RGS8: variants seen among roughly 807,000 people sequenced by gnomAD.
The protein encoded by RGS8 is regulator of G-protein signaling 8.
RGS8 carries 8 observed loss-of-function variants against 21.7 expected under a neutral mutation model. The observed-to-expected ratio is 0.37, with a 90% CI of 0.22 to 0.66. RGS8 has a LOEUF of 0.66. Among genes scored for constraint, RGS8 ranks in the 30% least tolerant of loss-of-function variants. The probability of loss-of-function intolerance (pLI) is 0.59; values close to 1 mark genes in which losing one functional copy is unlikely to be tolerated. For missense variants in RGS8, 157 were observed against 217.9 expected, an observed-to-expected ratio of 0.72 and a Z score of 1.76; for synonymous variants, 80 against 83.6, an observed-to-expected ratio of 0.96 and a Z score of 0.24.
upstream of RGS8, among the ~76,000 whole-genome samples, chr1:182,675,588 T>G (rs537983663): frequency 2.6e-5 from 4 of 152,202 alleles, no homozygotes; most frequent in African/African-American, 4.8e-5. Context: ...TATCCAGGTT[T>G]TCTATCCCAC....
chr1:182,732,301 A>ACACACACACACACACACACC, the RGS8 span, among the ~76,000 whole-genome samples: 13 of 150,536 alleles, frequency 8.6e-5, no homozygotes, highest in South Asian at 2.1e-4. Context: ...ACACACACAC[A>ACACACACACACACACACACC]CCCACTGTAG....
chr1:182,662,182 C>A (rs920989267), intron 5 of RGS8, among the ~76,000 whole-genome samples: 3 of 152,122 alleles, frequency 2.0e-5, no homozygotes, highest in African/African-American at 7.2e-5. Flanking sequence ...CTTTCTTTTG[C>A]CTGAGATTTC....
chr1:182,748,771 G>C, the RGS8 span, among the ~76,000 whole-genome samples: 3 of 152,032 alleles, frequency 2.0e-5, no homozygotes, highest in Non-Finnish European at 4.4e-5. Context: ...CACTTGTTCT[G>C]TTTTGTCTTT....
chr1:182,709,006 C>A, the RGS8 span, among the ~76,000 whole-genome samples: 2 of 152,300 alleles, frequency 1.3e-5, no homozygotes, highest in African/African-American at 2.4e-5. Context: ...GACGAAAGCG[C>A]CTTTTCCCAT....
intron 5 of RGS8, among the ~76,000 whole-genome samples, chr1:182,654,675 G>A (rs184856578): frequency 3.2e-4 from 49 of 152,178 alleles, no homozygotes; most frequent in Admixed American, 6.5e-4. Context: ...GAAGGGTTTG[G>A]AACAGCGACC....
the RGS8 span, among the ~76,000 whole-genome samples, chr1:182,748,879 C>T: frequency 6.6e-6 from 1 of 152,210 alleles, no homozygotes; most frequent in Non-Finnish European, 1.5e-5. Flanking sequence ...TTTTCATATA[C>T]CTGCTGGCCA....
intron 6 of RGS8, 54 bp downstream of exon 7, chr1:182,648,083 G>T: frequency 6.6e-7 from 1 of 1,508,122 alleles, no homozygotes; most frequent in Non-Finnish European, 8.9e-7. Flanking sequence ...TCTGAGGAGA[G>T]AAATGCAAGC....
chr1:182,720,905 A>ATGTG, the RGS8 span, among the ~76,000 whole-genome samples: 70 of 101,668 alleles, frequency 6.9e-4, 2 homozygotes, highest in South Asian at 9.0e-3. Context: ...ATATATACAT[A>ATGTG]TGTGTGTGTA....
chr1:182,655,208 T>C (rs1663213550), intron 5 of RGS8, among the ~76,000 whole-genome samples: 1 of 152,216 alleles, frequency 6.6e-6, no homozygotes, highest in African/African-American at 2.4e-5. Context: ...CTCACGCATG[T>C]AGAAGGACTA....
chr1:182,679,550 C>T (rs907058677), intron 1 of RGS8, among the ~76,000 whole-genome samples: 2 of 152,062 alleles, frequency 1.3e-5, no homozygotes, highest in African/African-American at 4.8e-5. Context: ...TTGCATGCTA[C>T]TTGGGCAATC....
At chr1:182,746,459 G>C in the RGS8 span, among the ~76,000 whole-genome samples, 6 of 152,102 alleles carry the variant, frequency 3.9e-5, no homozygotes, top group Non-Finnish European at 5.9e-5. Flanking sequence ...TTAAGTCCAG[G>C]AGTTCAAGAC....
At chr1:182,710,460 C>T in the RGS8 span, among the ~76,000 whole-genome samples, 1 of 152,094 alleles carries the variant, frequency 6.6e-6, no homozygotes, top group African/African-American at 2.4e-5. Flanking sequence ...CCTCCTCCCC[C>T]AGGCTGTGTG....
the RGS8 span, among the ~76,000 whole-genome samples, chr1:182,738,945 T>C: frequency 2.6e-5 from 4 of 152,212 alleles, no homozygotes; most frequent in Admixed American, 1.3e-4. Flanking sequence ...ATGCGGAAGC[T>C]AGAGGACTAA....
the RGS8 span, among the ~76,000 whole-genome samples, chr1:182,732,580 G>A: frequency 6.6e-6 from 1 of 152,276 alleles, no homozygotes; most frequent in African/African-American, 2.4e-5. Flanking sequence ...TCTCAGGAGA[G>A]GATATGGCTT....
chr1:182,720,171 GTTTGT>G, the RGS8 span, among the ~76,000 whole-genome samples: 4 of 152,056 alleles, frequency 2.6e-5, no homozygotes, highest in Non-Finnish European at 4.4e-5. Flanking sequence ...TTGTTTGTTT[GTTTGT>G]TTTGTTTTGT....
the RGS8 span, among the ~76,000 whole-genome samples, chr1:182,742,157 C>T: frequency 4.7e-5 from 7 of 149,914 alleles, no homozygotes; most frequent in African/African-American, 9.8e-5. Context: ...CGGGCAGAGA[C>T]GCTCCTCACT....
chr1:182,650,177 T>A (rs547138896), intron 5 of RGS8, among the ~76,000 whole-genome samples: 1 of 152,302 alleles, frequency 6.6e-6, no homozygotes, highest in African/African-American at 2.4e-5. Flanking sequence ...CCCAAAGTGC[T>A]GGGATTACAG....
chr1:182,652,029 T>C (rs1399460305), intron 5 of RGS8, among the ~76,000 whole-genome samples: 6 of 152,330 alleles, frequency 3.9e-5, no homozygotes, highest in Non-Finnish European at 5.9e-5. Context: ...CATTTTCCAC[T>C]GTATTCAGTG....
At chr1:182,716,473 TG>T in the RGS8 span, among the ~76,000 whole-genome samples, 3 of 148,426 alleles carry the variant, frequency 2.0e-5, no homozygotes, top group Non-Finnish European at 3.0e-5. Flanking sequence ...TATTTTTTAT[TG>T]TTTTTTTTTT....
Sources: gnomAD v4.1 joint callset for allele counts (sites outside exome capture counted in the v4.1 genomes callset) on GRCh38, gnomAD v4.1.1 for gene constraint, MANE v1.5 for transcripts, NCBI Gene and HGNC (gene_info 2026-07-23, HGNC 2026-07-21) for gene names.